Variants in SLC18A1 observed in about 807,000 individuals in gnomAD.
SLC18A1 encodes the protein chromaffin granule amine transporter.
Under a neutral mutation model 53.7 loss-of-function variants are expected in SLC18A1, and 69 were observed. That is an observed-to-expected ratio of 1.28 (90% CI 1.06 to 1.57). The LOEUF is 1.57. SLC18A1 is among the 40% of genes most tolerant of loss of function. The pLI, the probability that SLC18A1 is intolerant of heterozygous loss-of-function variation, is 0.00. For missense variants in SLC18A1, 932 were observed against 668.1 expected, an observed-to-expected ratio of 1.40 and a Z score of -4.35; for synonymous variants, 320 against 248.1, an observed-to-expected ratio of 1.29 and a Z score of -2.72.
chr8:20,160,559 T>A (rs913455779), intron 10 of SLC18A1, among the ~76,000 whole-genome samples: 6 of 152,170 alleles, frequency 3.9e-5, no homozygotes, highest in African/African-American at 1.4e-4. Flanking sequence ...ATTGTACAAA[T>A]AATTTTTTAT....
intron 4 of SLC18A1, chr8:20,175,809 G>C (rs2072238337): frequency 6.6e-6 from 1 of 152,118 alleles, no homozygotes; most frequent in Non-Finnish European, 1.5e-5. Context: ...CTTCCCGGCA[G>C]ACATGATCAC....
chr8:20,153,953 G>A (rs6986377), intron 10 of SLC18A1, among the ~76,000 whole-genome samples: 3,905 of 152,176 alleles, frequency 0.026, 181 homozygotes, highest in African/African-American at 0.089. Context: ...GAGGTGTTTG[G>A]GTCATGGGAA....
intron 10 of SLC18A1, among the ~76,000 whole-genome samples, chr8:20,158,637 C>G (rs1170526288): frequency 6.6e-6 from 1 of 152,168 alleles, no homozygotes; most frequent in Non-Finnish European, 1.5e-5. Flanking sequence ...CCTTGTAAAA[C>G]TATGCAACAG....
chr8:20,172,576 G>T (rs1196230898), intron 6 of SLC18A1, among the ~76,000 whole-genome samples: 1 of 152,186 alleles, frequency 6.6e-6, no homozygotes, highest in Non-Finnish European at 1.5e-5. Context: ...CAGAAAATCG[G>T]AGTCTGTATC....
Position 20,173,134 on chromosome 8 carries a change from C to A in SLC18A1, c.632-6G>T. 1 of 1,560,444 alleles carries A rather than the reference C, an allele frequency of 6.4e-7. No homozygotes were observed. Among genetic ancestry groups the A allele is most frequent in the Non-Finnish European group, 8.7e-7 (1 of 1,152,370 alleles). On this transcript the variant is annotated splice_region_variant and splice_polypyrimidine_tract_variant and intron_variant, in intron 5 of 15. Coordinates refer to ENST00000276373, the MANE Select transcript of SLC18A1 (RefSeq NM_003053.4). ...ACTGGCCAGCATTCCAAGACCTGCG[C>A]AGAGAGTTACAGATGCAGCTGGCCC... is the stretch of plus-strand genomic sequence containing the variant.
Position 20,171,099 on chromosome 8 carries a change from T to C in SLC18A1, c.858+4A>G. 6.2e-7 allele frequency: 1 copy of C among 1,614,062 alleles called. No homozygotes were observed. The highest frequency in any genetic ancestry group is 8.5e-7 in the Non-Finnish European group (1 of 1,179,922). ...GTTAGAAATGGAGCTTTGTGTCTGC[T>C]TACCTCAGGAGAGACTTTGGAAGGC... On this transcript the variant is annotated splice_donor_region_variant and intron_variant, in intron 8 of 15. Coordinates refer to ENST00000276373, the MANE Select transcript of SLC18A1 (RefSeq NM_003053.4).
chr8:20,162,160 G>C (rs1402458994), intron 10 of SLC18A1, among the ~76,000 whole-genome samples: 1 of 152,194 alleles, frequency 6.6e-6, no homozygotes, highest in Non-Finnish European at 1.5e-5. Flanking sequence ...AGAGTCCCAA[G>C]GTGGTCCTGG....
intron 4 of SLC18A1, among the ~76,000 whole-genome samples, chr8:20,175,018 G>A (rs376360010): frequency 6.6e-5 from 10 of 152,252 alleles, no homozygotes; most frequent in African/African-American, 1.2e-4. Flanking sequence ...TACTGAATGC[G>A]CAGCTCTGCT....
At chr8:20,181,666 T>C (rs1216176104) in intron 1 of SLC18A1, 4 of 152,160 alleles carry the variant, frequency 2.6e-5, no homozygotes, top group Admixed American at 2.0e-4. Flanking sequence ...AGTATGACCT[T>C]TGTTCTAGGT....
intron 3 of SLC18A1, 136 bp from the exon 4 acceptor site, chr8:20,178,629 G>A (rs2128880220): frequency 1.5e-6 from 1 of 671,690 alleles, no homozygotes; most frequent in Middle Eastern, 3.8e-4. Flanking sequence ...AATGTAGTGT[G>A]GAGATGAAAT....
intron 8 of SLC18A1, among the ~76,000 whole-genome samples, chr8:20,169,820 A>C (rs1018990751): frequency 1.3e-5 from 2 of 152,192 alleles, no homozygotes; most frequent in Non-Finnish European, 2.9e-5. Context: ...CAGAGGTTGC[A>C]GTGAGCCGAG....
chr8:20,163,476 T>C (rs928485113), intron 10 of SLC18A1, among the ~76,000 whole-genome samples: 3 of 152,160 alleles, frequency 2.0e-5, no homozygotes, highest in African/African-American at 7.2e-5. Context: ...TTTCCTCCCC[T>C]TGGTGATGCT....
intron 6 of SLC18A1, among the ~76,000 whole-genome samples, chr8:20,172,698 T>TA (rs1240873360): frequency 6.6e-6 from 1 of 152,078 alleles, no homozygotes; most frequent in Non-Finnish European, 1.5e-5. Context: ...TGGTGAGGAA[T>TA]AAAAGAGATT....
chr8:20,170,057 G>A (rs550748903), intron 8 of SLC18A1, among the ~76,000 whole-genome samples: 1 of 152,262 alleles, frequency 6.6e-6, no homozygotes, highest in East Asian at 1.9e-4. Context: ...TGCCAGGCCT[G>A]GGAGCCTGTG....
chr8:20,150,697 G>A lies in SLC18A1; in HGVS notation c.1063C>T (p.Leu355Phe), dbSNP rs767064765. 1.9e-6 allele frequency: 3 copies of A among 1,614,024 alleles called. No homozygotes were observed. In the African/African-American group the frequency reaches 4.0e-5, roughly 22 times the overall value. ...ATCTTGTTGGCCAACACACCAAAGA[G>A]GTTGGTGCCAATGAGGTAGGACACA... is the stretch of plus-strand genomic sequence containing the variant. ...ASVSYLIGTN[L>F]FGVLANKMGR... Residue 355 changes from leucine to phenylalanine, a missense_variant, in exon 11 of 16, where the codon CTC (leucine) becomes TTC (phenylalanine). Coordinates refer to ENST00000276373, the MANE Select transcript of SLC18A1 (RefSeq NM_003053.4).
At position 20,150,677 on chromosome 8, in the gene SLC18A1, G is replaced by C. The variant is rs200548187; in HGVS notation, c.1083C>G (p.Asn361Lys). ...IGTNLFGVLA[N>K]KMGRWLCSLI... ...CCGAGGCTACATACCGACCCATCTT[G>C]TTGGCCAACACACCAAAGAGGTTGG... Residue 361 changes from asparagine to lysine, a missense_variant, in exon 11 of 16, where the codon AAC becomes AAG. Asn to Lys is a moderately conservative substitution (Grantham distance 94). Transcript: ENST00000276373. The C allele has an allele frequency of 1.9e-6, 3 of 1,613,958 alleles. No individual in the cohort carries two copies. Among genetic ancestry groups the C allele is most frequent in the Admixed American group, 1.7e-5 (1 of 60,000 alleles).
In SLC18A1 at chr8:20,174,456, G is replaced by A. The variant is rs767442976; in HGVS notation, c.548-12C>T. 2.5e-6 allele frequency: 4 copies of A among 1,603,214 alleles called. No individual in the cohort carries two copies. The highest frequency in any genetic ancestry group is 3.4e-6 in the Non-Finnish European group (4 of 1,170,334). On this transcript the variant is annotated splice_polypyrimidine_tract_variant and intron_variant, in intron 4 of 15. Transcript: ENST00000276373. ...AGAAAAAGCAAACACTGGGCAGAGA[G>A]AATAGCAAGATAACTGCAGTTAGCA...
intron 5 of SLC18A1, among the ~76,000 whole-genome samples, 185 bp from the exon 6 acceptor site, chr8:20,173,313 A>G (rs2072173452): frequency 6.6e-6 from 1 of 152,182 alleles, no homozygotes; most frequent in Non-Finnish European, 1.5e-5. Flanking sequence ...CCAAGCCCCC[A>G]CATTGTCCAC....
Position 20,162,994 on chromosome 8 carries a change from C to A in SLC18A1, c.1015+1875G>T, listed in dbSNP as rs531843425. On this transcript the variant is annotated intron_variant, in intron 10 of 15. Transcript: ENST00000276373. ...CTCATTACCCATTTTCTGTCTTAGT[C>A]CATTTTCTGCTGCTATAATATAACA... 1.8e-4 allele frequency among the ~76,000 whole-genome samples: 28 copies of A among 152,294 alleles called. 1 individual carries two copies. In the South Asian group the frequency reaches 5.8e-3, roughly 32 times the overall value.
Sources: allele counts gnomAD v4.1 joint callset (sites outside exome capture counted in the v4.1 genomes callset), GRCh38; gene constraint gnomAD v4.1.1; transcripts MANE v1.5; gene names NCBI Gene and HGNC (gene_info 2026-07-23, HGNC 2026-07-21).